TGM1: variants seen among roughly 807,000 people sequenced by gnomAD.
TGM1 encodes transglutaminase 1, also known as protein-glutamine gamma-glutamyltransferase K.
Under a neutral mutation model 88.7 loss-of-function variants are expected in TGM1, and 63 were observed. That is an observed-to-expected ratio of 0.71 (90% CI 0.58 to 0.88). The LOEUF is 0.88. Among genes scored for constraint, TGM1 ranks in the 40% least tolerant of loss-of-function variants. The pLI is 0.00. For missense variants in TGM1, 996 were observed against 1,118.0 expected, an observed-to-expected ratio of 0.89 and a Z score of 1.56; for synonymous variants, 415 against 431.1, an observed-to-expected ratio of 0.96 and a Z score of 0.46.
intron 7 of TGM1, 122 bp downstream of exon 7, chr14:24,258,953 C>T: frequency 8.5e-7 from 1 of 1,169,598 alleles, no homozygotes; most frequent in Non-Finnish European, 1.2e-6. Flanking sequence ...TAAGGCCAGC[C>T]TATTACCCAC....
chr14:24,254,010 A>T (rs2040722152), intron 14 of TGM1, 142 bp downstream of exon 14: 1 of 1,176,444 alleles, frequency 8.5e-7, no homozygotes, highest in Non-Finnish European at 1.2e-6. Context: ...GCCGGGAGGT[A>T]TTGCTAGCTG....
intron 14 of TGM1, among the ~76,000 whole-genome samples, chr14:24,250,179 T>TGTGTGTGAGAGAGA (rs138497842): frequency 1.7e-4 from 24 of 140,802 alleles, no homozygotes; most frequent in African/African-American, 6.2e-4. Flanking sequence ...TGTGTGTGTG[T>TGTGTGTGAGAGAGA]GAGAGAGACA....
Position 24,255,903 on chromosome 14 carries a change from T to G in TGM1, c.1491+86A>C, listed in dbSNP as rs1286072022. ...TGTATAATGAGTGACTTGCCCCGGGTCGCAGAGCTGGTCAGTCAGCGGTGA... is the reference window on the plus strand; with the variant it reads ...TGTATAATGAGTGACTTGCCCCGGGGCGCAGAGCTGGTCAGTCAGCGGTGA... On this transcript the variant is annotated intron_variant, in intron 10 of 14. Transcript: ENST00000206765. The surrounding 1 kb of genome is among the most constrained non-coding windows in gnomAD (Gnocchi z 4.0). The G allele has an allele frequency of 1.0e-5, 12 of 1,146,974 alleles. No homozygotes were observed. Among genetic ancestry groups the G allele is most frequent in the Non-Finnish European group, 1.5e-5 (12 of 778,698 alleles). 71.0% of individuals were successfully genotyped at this position (1,146,974 alleles called of 1,614,324 possible). A position where few individuals can be genotyped will look rare whatever the true frequency, so the allele number is the denominator to read the frequency against.
chr14:24,260,567 T>C lies in TGM1; in HGVS notation c.640A>G (p.Asn214Asp), dbSNP rs749999915. The C allele has an allele frequency of 1.2e-6, 2 of 1,614,224 alleles. No homozygotes were observed. The highest frequency in any genetic ancestry group is 8.5e-7 in the Non-Finnish European group (1 of 1,180,038). The change falls in exon 4 of 15, where the codon AAC becomes GAC. Residue 214 changes from asparagine to aspartate, a missense_variant. Physicochemically the swap from Asn to Asp is conservative, Grantham distance 23. Transcript: ENST00000206765. ...NLNLRVHTSP[N>D]AIIGKFQFTV... ...AACTGAAACTTGCCGATGATGGCGT[T>C]GGGGGAAGTGTGGACCCGCAGGTTC...
rs758788643 is a variant in TGM1, at chr14:24,255,343, G to C, written c.1645+21C>G. On this transcript the variant is annotated intron_variant, in intron 11 of 14. Transcript: ENST00000206765. This position sits in a 1 kb window ranked among gnomAD's most constrained non-coding sequence, Gnocchi z 4.0. Reference sequence around the variant, plus strand: ...ACACTTGTTGTGGGGCCCAGAGCTGGCTGGGTTGGGGGAATGGTACCTTCT... The same window carrying C: ...ACACTTGTTGTGGGGCCCAGAGCTGCCTGGGTTGGGGGAATGGTACCTTCT... 1.9e-6 allele frequency: 3 copies of C among 1,614,112 alleles called. No individual in the cohort carries two copies. The African/African-American group carries it at 4.0e-5, about 22-fold the overall frequency.
chr14:24,262,228 G>C lies in TGM1; in HGVS notation c.125C>G (p.Ser42Cys), dbSNP rs41295338. 1 of 1,613,880 alleles carries C rather than the reference G, an allele frequency of 6.2e-7. No homozygotes were observed. The highest frequency in any genetic ancestry group is 1.1e-5 in the South Asian group (1 of 91,092). Residue 42 changes from serine to cysteine, a missense_variant, in exon 2 of 15, where the codon TCC (serine) becomes TGC (cysteine). Coordinates refer to ENST00000206765, the MANE Select transcript of TGM1 (RefSeq NM_000359.3). Reference sequence around the variant, plus strand: ...GCAGCCACAGCAGCGAGCCCAGAAGGAACGGCCTCCTCCTCTGCGAGAGCG... The same window carrying C: ...GCAGCCACAGCAGCGAGCCCAGAAGCAACGGCCTCCTCCTCTGCGAGAGCG... ...DGRSRRGGGR[S>C]FWARCCGCCS...
chr14:24,260,013 AC>A lies in TGM1; in HGVS notation c.802del (p.Val268PhefsTer62), dbSNP rs1322979131. ...GTAAATTCTCCCAGACTCATTAAGA[AC>A]ATACTCCTGCCGCCAATCCTCATGG... ...VDHEDWRQEYVLNESGRIYYG... is the reference protein window; with the variant it reads ...VDHEDWRQEYXLNESGRIYYG... On this transcript the variant is annotated frameshift_variant, in exon 5 of 15. Coordinates refer to ENST00000206765, the MANE Select transcript of TGM1 (RefSeq NM_000359.3). LOFTEE classifies it high-confidence loss of function. 2.5e-6 allele frequency: 4 copies of A among 1,614,060 alleles called. No individual in the cohort carries two copies. The highest frequency in any genetic ancestry group is 2.5e-6 in the Non-Finnish European group (3 of 1,180,040).
chr14:24,252,853 C>G (rs79967911), intron 14 of TGM1, among the ~76,000 whole-genome samples: 7,311 of 152,288 alleles, frequency 0.048, 243 homozygotes, highest in South Asian at 0.088. Flanking sequence ...GAAGGCTGAT[C>G]TAGAAGGCCA....
intron 14 of TGM1, among the ~76,000 whole-genome samples, chr14:24,251,391 A>G (rs2040699759): frequency 2.0e-5 from 3 of 152,212 alleles, no homozygotes; most frequent in African/African-American, 7.2e-5. Context: ...TATTTCAGAA[A>G]GTAACCTTTA....
chr14:24,260,819 G>A (rs1442787646), intron 3 of TGM1, 121 bp from the exon 4 acceptor site: 3 of 1,327,034 alleles, frequency 2.3e-6, no homozygotes, highest in African/African-American at 1.4e-5. Flanking sequence ...CCTACGTTGG[G>A]CCATCACCTT....
chr14:24,262,387 C>T, intron 1 of TGM1, 33 bp from the exon 2 acceptor site: 1 of 1,608,134 alleles, frequency 6.2e-7, no homozygotes, highest in Non-Finnish European at 8.5e-7. Context: ...CTCCTTAACC[C>T]AGGTAGTCCC....
chr14:24,255,954 G>T lies in TGM1; in HGVS notation c.1491+35C>A. The stretch of plus-strand genomic sequence containing the variant: ...AGTTGGGACCAGAGAACCCATGACT[G>T]AAGCCCAAGAAGGCACCTGGAGCCC... On this transcript the variant is annotated intron_variant, in intron 10 of 14. Coordinates refer to ENST00000206765, the MANE Select transcript of TGM1 (RefSeq NM_000359.3). The surrounding 1 kb of genome is among the most constrained non-coding windows in gnomAD (Gnocchi z 4.0). 1 of 1,524,802 alleles carries T rather than the reference G, an allele frequency of 6.6e-7. No individual in the cohort carries two copies. The highest frequency in any genetic ancestry group is 1.2e-5 in the South Asian group (1 of 83,520). 94.5% of individuals were successfully genotyped at this position (1,524,802 alleles called of 1,614,324 possible). A position where few individuals can be genotyped will look rare whatever the true frequency, so the allele number is the denominator to read the frequency against.
rs1415060393 is a variant in TGM1, at chr14:24,255,781, C to T, written c.1491+208G>A. On this transcript the variant is annotated intron_variant, in intron 10 of 14. Transcript: ENST00000206765. This position sits in a 1 kb window ranked among gnomAD's most constrained non-coding sequence, Gnocchi z 4.0. ...TCACACTCAATGGCTGACTTTACGA[C>T]TAGTGAAGCAGTTTCATACCCGTTA... Among the ~76,000 whole-genome samples, 1 of 152,180 alleles carries T rather than the reference C, an allele frequency of 6.6e-6. No homozygotes were observed. Among genetic ancestry groups the T allele is most frequent in the Non-Finnish European group, 1.5e-5 (1 of 68,026 alleles).
intron 14 of TGM1, among the ~76,000 whole-genome samples, chr14:24,252,769 TCA>T (rs1220509384): frequency 1.3e-5 from 2 of 152,082 alleles, no homozygotes; most frequent in African/African-American, 2.4e-5. Flanking sequence ...CTTCCTCCCC[TCA>T]GTTTCCCCAC....
intron 14 of TGM1, 161 bp downstream of exon 14, chr14:24,253,991 C>T (rs1021557719): frequency 1.0e-6 from 1 of 953,518 alleles, no homozygotes; most frequent in African/African-American, 1.6e-5. Context: ...GCTGGTGGGA[C>T]TGAGCTGGGC....
intron 3 of TGM1, 48 bp from the exon 4 acceptor site, chr14:24,260,746 G>A: frequency 6.2e-7 from 1 of 1,613,444 alleles, no homozygotes; most frequent in Non-Finnish European, 8.5e-7. Context: ...CCTGAGGAGA[G>A]GGGATGGAGC....
intron 1 of TGM1, 135 bp from the exon 2 acceptor site, chr14:24,262,489 G>T: frequency 1.0e-6 from 1 of 955,122 alleles, no homozygotes; most frequent in Non-Finnish European, 1.6e-6. Context: ...AGATTCTCCA[G>T]ACACATCCAG....
chr14:24,250,571 C>T (rs774663626), intron 14 of TGM1, among the ~76,000 whole-genome samples: 11 of 152,172 alleles, frequency 7.2e-5, no homozygotes, highest in Non-Finnish European at 1.5e-4. Flanking sequence ...TCATGCTTTG[C>T]AGTCTTTGCC....
At position 24,249,435 on chromosome 14, in the gene TGM1, C is replaced by G; in HGVS notation, c.2332G>C (p.Val778Leu). ...ACATCCACCTGGATGACACCGTGCA[C>G]CTGGGAGAGCTGTGGGCTGTCCAAG... ...ASLDSPQLSQVHGVIQVDVAP... is the reference protein window; with the variant it reads ...ASLDSPQLSQLHGVIQVDVAP... Residue 778 changes from valine to leucine, a missense_variant, in exon 15 of 15, where the codon GTG becomes CTG. Val to Leu is a conservative substitution (Grantham distance 32). Transcript: ENST00000206765. The G allele has an allele frequency of 6.2e-7, 1 of 1,614,028 alleles. No individual in the cohort carries two copies. The highest frequency in any genetic ancestry group is 8.5e-7 in the Non-Finnish European group (1 of 1,180,004).
Sources: gnomAD v4.1 joint callset for allele counts (sites outside exome capture counted in the v4.1 genomes callset) on GRCh38, gnomAD v4.1.1 for gene constraint, Gnocchi (gnomAD v3.1) non-coding constraint, MANE v1.5 for transcripts, NCBI Gene and HGNC (gene_info 2026-07-23, HGNC 2026-07-21) for gene names.